Variants in NEGR1 observed in about 807,000 individuals in gnomAD.
NEGR1 encodes neuronal growth regulator 1.
Under a neutral mutation model 40.9 loss-of-function variants are expected in NEGR1, and 10 were observed. The observed-to-expected ratio is 0.24, with a 90% confidence interval of 0.15 to 0.42. The LOEUF (loss-of-function observed/expected upper bound fraction) is 0.42, where lower values mean the gene tolerates loss of function less well. NEGR1 is among the 10% of genes least tolerant of loss of function. The pLI, the probability that NEGR1 is intolerant of heterozygous loss-of-function variation, is 1.00. For missense variants in NEGR1, 352 were observed against 438.9 expected (o/e 0.80, Z 1.77); for synonymous variants, 185 against 166.8 (o/e 1.11, Z -0.84).
At chr1:71,959,693 G>T (rs1348096789) in intron 1 of NEGR1, among the ~76,000 whole-genome samples, 1 of 151,852 alleles carries the variant, frequency 6.6e-6, no homozygotes, top group Admixed American at 6.6e-5. Flanking sequence ...TAATTTATTT[G>T]TCAGGTTGCC....
intron 2 of NEGR1, among the ~76,000 whole-genome samples, chr1:71,801,724 G>A (rs895341864): frequency 6.6e-6 from 1 of 152,152 alleles, no homozygotes; most frequent in Non-Finnish European, 1.5e-5. Context: ...CAACACAGAA[G>A]TCATAGTAAT....
At chr1:72,039,086 C>T (rs1042731998) in intron 1 of NEGR1, among the ~76,000 whole-genome samples, 1 of 151,824 alleles carries the variant, frequency 6.6e-6, no homozygotes, top group African/African-American at 2.4e-5. Flanking sequence ...CCATTTTAAA[C>T]CTACAGAACA....
chr1:71,434,328 G>C (rs1461005348), intron 6 of NEGR1, among the ~76,000 whole-genome samples: 2 of 152,028 alleles, frequency 1.3e-5, no homozygotes, highest in African/African-American at 4.8e-5. Flanking sequence ...ACTCAGTCCA[G>C]GGAAAATAAA....
intron 6 of NEGR1, among the ~76,000 whole-genome samples, chr1:71,549,105 G>A (rs1254106773): frequency 1.3e-5 from 2 of 151,620 alleles, no homozygotes; most frequent in Non-Finnish European, 3.0e-5. Context: ...TAGGCCAAAG[G>A]CTAGCATTTA....
intron 6 of NEGR1, among the ~76,000 whole-genome samples, chr1:71,488,520 G>A (rs1646903165): frequency 6.6e-6 from 1 of 151,670 alleles, no homozygotes; most frequent in Non-Finnish European, 1.5e-5. Flanking sequence ...TTTTTGAATG[G>A]TCTTCAAAGT....
chr1:71,963,267 A>G (rs1646181712), intron 1 of NEGR1, among the ~76,000 whole-genome samples: 1 of 152,074 alleles, frequency 6.6e-6, no homozygotes, highest in African/African-American at 2.4e-5. Context: ...ACAAGAGAAG[A>G]CCTAGTTGAT....
rs117268485 is a variant in NEGR1, at chr1:72,010,450, C to G, written c.177-75139G>C. 6.7e-3 allele frequency among the ~76,000 whole-genome samples: 1,015 copies of G among 152,214 alleles called. 29 individuals carry two copies. The highest frequency in any genetic ancestry group is 0.059 in the East Asian group (304 of 5,176). On this transcript the variant is annotated intron_variant, in intron 1 of 6. Transcript: ENST00000357731. ...TTTTTCTAATTAGTACAAAGTCATA[C>G]TCTCTCTTTTTCCTCCTTCTGTTCA...
intron 4 of NEGR1, among the ~76,000 whole-genome samples, chr1:71,690,853 C>T (rs1297383419): frequency 6.6e-6 from 1 of 151,848 alleles, no homozygotes; most frequent in Admixed American, 6.6e-5. Context: ...GATTGCCAAC[C>T]TAAAAACAAC....
At chr1:71,733,884 A>T (rs192607856) in intron 3 of NEGR1, among the ~76,000 whole-genome samples, 1 of 152,206 alleles carries the variant, frequency 6.6e-6, no homozygotes, top group Non-Finnish European at 1.5e-5. Context: ...TATCAAATGG[A>T]TAACTTGTTC....
At chr1:71,830,555 A>G (rs796181983) in intron 2 of NEGR1, among the ~76,000 whole-genome samples, 17 of 152,028 alleles carry the variant, frequency 1.1e-4, no homozygotes, top group African/African-American at 3.9e-4. Context: ...AACAAAAAGA[A>G]ACAAAACTCC....
chr1:71,744,138 T>C (rs947806556), intron 3 of NEGR1, among the ~76,000 whole-genome samples: 3 of 152,000 alleles, frequency 2.0e-5, no homozygotes, highest in African/African-American at 7.2e-5. Context: ...TTTAGTATTA[T>C]TTATTTTTTA....
chr1:72,099,010 AATTAT>A (rs1163452884), intron 1 of NEGR1, among the ~76,000 whole-genome samples: 1 of 152,010 alleles, frequency 6.6e-6, no homozygotes, highest in African/African-American at 2.4e-5. Context: ...AGAATATTAT[AATTAT>A]ATTCAACTCG....
At chr1:71,998,437 C>T (rs963052729) in intron 1 of NEGR1, among the ~76,000 whole-genome samples, 1 of 151,840 alleles carries the variant, frequency 6.6e-6, no homozygotes, top group Non-Finnish European at 1.5e-5. Flanking sequence ...ACTTCAAGAC[C>T]TTTCATAACA....
At chr1:71,677,009 C>A (rs1198533419) in intron 4 of NEGR1, among the ~76,000 whole-genome samples, 1 of 152,100 alleles carries the variant, frequency 6.6e-6, no homozygotes. Flanking sequence ...AGTGTATGAC[C>A]AACTATGTGT....
intron 4 of NEGR1, among the ~76,000 whole-genome samples, chr1:71,664,748 T>C (rs539965909): frequency 6.6e-6 from 1 of 152,224 alleles, no homozygotes; most frequent in Non-Finnish European, 1.5e-5. Flanking sequence ...ATATATCTCT[T>C]TGGTAAGGTT....
At chr1:71,790,085 A>G (rs1473035404) in intron 2 of NEGR1, among the ~76,000 whole-genome samples, 4 of 152,134 alleles carry the variant, frequency 2.6e-5, no homozygotes, top group Non-Finnish European at 5.9e-5. Context: ...ACTTACGAAG[A>G]AAGAAAATTC....
At chr1:72,247,307 A>G (rs917028905) in intron 1 of NEGR1, among the ~76,000 whole-genome samples, 1 of 152,206 alleles carries the variant, frequency 6.6e-6, no homozygotes, top group Non-Finnish European at 1.5e-5. Flanking sequence ...ACACGTGGCC[A>G]GGCTGCTAAT....
intron 1 of NEGR1, among the ~76,000 whole-genome samples, chr1:72,182,259 C>T (rs796499847): frequency 1.3e-5 from 2 of 152,026 alleles, no homozygotes; most frequent in Non-Finnish European, 2.9e-5. Flanking sequence ...TTTGGGAGAC[C>T]GAGGCAGGCG....
rs191469740 is a variant in NEGR1 at position 72,211,418 on chromosome 1, T to C, written c.176+70901A>G. ...TTTGGAAAATGTTTTTAATATAAAA[T>C]ATGTAACTGTAGAATACAAAAACAG... On this transcript the variant is annotated intron_variant, in intron 1 of 6. Coordinates refer to ENST00000357731, the MANE Select transcript of NEGR1 (RefSeq NM_173808.3). 1.1e-4 allele frequency among the ~76,000 whole-genome samples: 17 copies of C among 151,550 alleles called. No individual in the cohort carries two copies. The East Asian group carries it at 3.3e-3, about 30-fold the overall frequency.
Sources: allele counts gnomAD v4.1 joint callset (sites outside exome capture counted in the v4.1 genomes callset), GRCh38; gene constraint gnomAD v4.1.1; transcripts MANE v1.5; gene names NCBI Gene and HGNC (gene_info 2026-07-23, HGNC 2026-07-21).